Variants in SIK2 observed in about 807,000 individuals in gnomAD.
The protein encoded by SIK2 is serine/threonine-protein kinase SIK2.
Under a neutral mutation model 103.2 loss-of-function variants are expected in SIK2, and 29 were observed. The ratio of observed to expected loss-of-function variants is 0.28; its 90% CI spans 0.21 to 0.38. The LOEUF is 0.38. Ranked by LOEUF, SIK2 falls within the 10% of genes least tolerant of loss-of-function variation. The pLI is 1.00. For synonymous variants in SIK2, 412 were observed against 446.1 expected (o/e 0.92, Z 0.96); for missense variants, 879 against 1,171.0 (o/e 0.75, Z 3.64).
intron 3 of SIK2, among the ~76,000 whole-genome samples, chr11:111,678,553 T>C (rs1371808163): frequency 1.3e-5 from 2 of 152,232 alleles, no homozygotes; most frequent in African/African-American, 2.4e-5. Context: ...TAACTGATTT[T>C]ATTCTCATTG....
At chr11:111,696,631 A>T (rs1012365509) in intron 4 of SIK2, among the ~76,000 whole-genome samples, 1 of 152,218 alleles carries the variant, frequency 6.6e-6, no homozygotes, top group Non-Finnish European at 1.5e-5. Context: ...GCTGGATCTG[A>T]GTCTGGTAGA....
Position 111,703,189 on chromosome 11 carries a change from T to TTTTCTA in SIK2, c.728-14_728-13insTTTCTA. The TTTTCTA allele has an allele frequency of 6.2e-7, 1 of 1,612,342 alleles. No individual in the cohort carries two copies. Among genetic ancestry groups the TTTTCTA allele is most frequent in the Non-Finnish European group, 8.5e-7 (1 of 1,178,850 alleles). On this transcript the variant is annotated splice_polypyrimidine_tract_variant and intron_variant, in intron 6 of 14. Coordinates refer to ENST00000304987, the MANE Select transcript of SIK2 (RefSeq NM_015191.3). ...GTGATTCTTGTGACTTTTGTAACAT[T>TTTTCTA]GTGTTTTCTATAGATTGCGAGCACC...
intron 3 of SIK2, among the ~76,000 whole-genome samples, chr11:111,656,397 G>A (rs977217696): frequency 2.0e-5 from 3 of 152,118 alleles, no homozygotes; most frequent in Non-Finnish European, 4.4e-5. Context: ...CATTCTAAAT[G>A]TATTTATATG....
chr11:111,626,300 A>T (rs1239241342), intron 3 of SIK2, among the ~76,000 whole-genome samples: 1 of 152,128 alleles, frequency 6.6e-6, no homozygotes, highest in Non-Finnish European at 1.5e-5. Flanking sequence ...GGAGATGTGG[A>T]GATCATTTAG....
intron 3 of SIK2, among the ~76,000 whole-genome samples, chr11:111,646,406 A>G (rs924731998): frequency 6.6e-6 from 1 of 152,070 alleles, no homozygotes; most frequent in African/African-American, 2.4e-5. Flanking sequence ...CTGAGATTGC[A>G]CCATTGCACT....
intron 2 of SIK2, among the ~76,000 whole-genome samples, chr11:111,618,921 A>C (rs904420318): frequency 6.6e-6 from 1 of 152,040 alleles, no homozygotes; most frequent in Non-Finnish European, 1.5e-5. Context: ...TTTTTTGCAG[A>C]GACAGGATCT....
At chr11:111,661,169 T>C (rs1942462706) in intron 3 of SIK2, among the ~76,000 whole-genome samples, 1 of 152,152 alleles carries the variant, frequency 6.6e-6, no homozygotes, top group Non-Finnish European at 1.5e-5. Context: ...AAATACATCA[T>C]TGAAGAATAA....
chr11:111,660,503 A>G (rs972931297), intron 3 of SIK2, among the ~76,000 whole-genome samples: 30 of 152,212 alleles, frequency 2.0e-4, no homozygotes, highest in African/African-American at 9.6e-5. Flanking sequence ...ACTTTGTGCT[A>G]TGAGTGAGGA....
intron 8 of SIK2, among the ~76,000 whole-genome samples, chr11:111,706,835 T>C (rs904892573): frequency 6.6e-6 from 1 of 151,410 alleles, no homozygotes; most frequent in African/African-American, 2.4e-5. Flanking sequence ...CAGTGAGCAC[T>C]TGTAGTCCCA....
intron 3 of SIK2, among the ~76,000 whole-genome samples, chr11:111,668,208 G>A (rs2135877818): frequency 6.6e-6 from 1 of 150,524 alleles, no homozygotes; most frequent in South Asian, 2.1e-4. Context: ...GTGTGTGTTT[G>A]TGCACACGCA....
In SIK2 at chr11:111,641,236, A is replaced by G. The variant is rs138676067; in HGVS notation, c.316+20834A>G. ...TTCCCTCACTGAGCTCTGTATTCCCAAGGCTTCAGGCCTCTAGGCAGATGA... is the reference window on the plus strand; with the variant it reads ...TTCCCTCACTGAGCTCTGTATTCCCGAGGCTTCAGGCCTCTAGGCAGATGA... On this transcript the variant is annotated intron_variant, in intron 3 of 14. Coordinates refer to ENST00000304987, the MANE Select transcript of SIK2 (RefSeq NM_015191.3). 3.2e-3 allele frequency among the ~76,000 whole-genome samples: 484 copies of G among 152,282 alleles called. 3 individuals carry two copies. Among genetic ancestry groups the G allele is most frequent in the African/African-American group, 0.011 (460 of 41,552 alleles).
rs1414106486 is a variant in SIK2, at chr11:111,725,219, A to C, written c.*1090A>C. On this transcript the variant is annotated 3_prime_UTR_variant, in exon 15 of 15. Coordinates refer to ENST00000304987, the MANE Select transcript of SIK2 (RefSeq NM_015191.3). ...TTCTTTCTTTTCTGTAGAAACCAAC[A>C]GTTTCCATTTATGTCAATGCTAAAT... is the stretch of plus-strand genomic sequence containing the variant. 2.6e-5 allele frequency: 4 copies of C among 152,642 alleles called. No homozygotes were observed. The East Asian group carries it at 7.7e-4, about 29-fold the overall frequency. The allele number at this position is 152,642 out of a possible 1,614,324, so 9.5% of individuals were successfully genotyped here.
At chr11:111,611,986 T>G (rs940428425) in intron 1 of SIK2, among the ~76,000 whole-genome samples, 1 of 152,204 alleles carries the variant, frequency 6.6e-6, no homozygotes, top group African/African-American at 2.4e-5. Flanking sequence ...TACTTTTTTT[T>G]TTGTTGGTAA....
chr11:111,650,953 C>G (rs1942318622), intron 3 of SIK2, among the ~76,000 whole-genome samples: 2 of 152,166 alleles, frequency 1.3e-5, no homozygotes, highest in Non-Finnish European at 2.9e-5. Flanking sequence ...TGTTTTATAT[C>G]TTTTGATTTT....
intron 1 of SIK2, among the ~76,000 whole-genome samples, chr11:111,615,832 C>T (rs554470145): frequency 6.6e-6 from 1 of 152,270 alleles, no homozygotes; most frequent in African/African-American, 2.4e-5. Flanking sequence ...AATAGTATTT[C>T]AGTGCAACAG....
chr11:111,722,002 A>AACACGTTTCTGCTTT lies in SIK2; in HGVS notation c.2055+62_2055+63insACACGTTTCTGCTTT. The stretch of plus-strand genomic sequence containing the variant: ...TCATCCAGAATCTGTTCTTCTGCAA[A>AACACGTTTCTGCTTT]GCAGAAACGTGTTTTGCCTGGCATT... On this transcript the variant is annotated intron_variant, in intron 13 of 14. Coordinates refer to ENST00000304987, the MANE Select transcript of SIK2 (RefSeq NM_015191.3). The surrounding 1 kb of genome is among the most constrained non-coding windows in gnomAD (Gnocchi z 4.4). 2 of 1,314,594 alleles carry AACACGTTTCTGCTTT rather than the reference A, an allele frequency of 1.5e-6. No individual in the cohort carries two copies. Among genetic ancestry groups the AACACGTTTCTGCTTT allele is most frequent in the Non-Finnish European group, 2.1e-6 (2 of 966,158 alleles). 81.4% of individuals were successfully genotyped at this position (1,314,594 alleles called of 1,614,324 possible). A position where few individuals can be genotyped will look rare whatever the true frequency, so the allele number is the denominator to read the frequency against.
chr11:111,672,710 G>A (rs1008951117), intron 3 of SIK2, among the ~76,000 whole-genome samples: 4 of 152,168 alleles, frequency 2.6e-5, no homozygotes, highest in Non-Finnish European at 5.9e-5. Flanking sequence ...TCTGAAATCT[G>A]TAGAAACAAC....
rs1491293793 is a variant in SIK2 at position 111,690,000 on chromosome 11, A to ATC, written c.478+1839_478+1840dup. Among the ~76,000 whole-genome samples, 4 of 147,154 alleles carry ATC rather than the reference A, an allele frequency of 2.7e-5. No individual in the cohort carries two copies. In the East Asian group the frequency reaches 7.8e-4, roughly 29 times the overall value. Reference sequence around the variant, plus strand: ...TGTGTATGTGTATATATATATATATATCACACATATACACGTATATATAAA... The same window carrying ATC: ...TGTGTATGTGTATATATATATATATATCTCACACATATACACGTATATATAAA... On this transcript the variant is annotated intron_variant, in intron 4 of 14. Transcript: ENST00000304987.
At chr11:111,717,232 C>T (rs749987653) in intron 9 of SIK2, among the ~76,000 whole-genome samples, 4 of 133,672 alleles carry the variant, frequency 3.0e-5, no homozygotes, top group Non-Finnish European at 6.2e-5. Flanking sequence ...AGGAGAATGG[C>T]GTGAACCTGG....
Sources: allele counts gnomAD v4.1 joint callset (sites outside exome capture counted in the v4.1 genomes callset), GRCh38; gene constraint gnomAD v4.1.1; non-coding constraint Gnocchi (gnomAD v3.1); transcripts MANE v1.5; gene names NCBI Gene and HGNC (gene_info 2026-07-23, HGNC 2026-07-21).